Variants in PBX3 observed in about 807,000 individuals in gnomAD.
PBX3 encodes PBX homeobox 3.
A neutral mutation model predicts 48.5 loss-of-function variants in PBX3; 14 were observed. The ratio of observed to expected loss-of-function variants is 0.29; its 90% CI spans 0.19 to 0.45. The LOEUF is 0.45. Ranked by LOEUF, PBX3 falls within the 20% of genes least tolerant of loss-of-function variation. The pLI, the probability that PBX3 is intolerant of heterozygous loss-of-function variation, is 1.00. For missense variants in PBX3, 386 were observed against 546.7 expected (o/e 0.71, Z 2.93); for synonymous variants, 210 against 200.3 (o/e 1.05, Z -0.41).
At chr9:125,760,012 AACTC>A (rs1318087445) in intron 2 of PBX3, among the ~76,000 whole-genome samples, 2 of 152,196 alleles carry the variant, frequency 1.3e-5, no homozygotes, top group African/African-American at 4.8e-5. Flanking sequence ...TCAGAGCAAG[AACTC>A]GGTAGTTGCT....
intron 2 of PBX3, among the ~76,000 whole-genome samples, chr9:125,808,606 C>T (rs1387636089): frequency 6.6e-6 from 1 of 152,084 alleles, no homozygotes; most frequent in Non-Finnish European, 1.5e-5. Flanking sequence ...GTCAGGGCTT[C>T]AGTGAGTTAT....
chr9:125,805,611 T>A (rs1838103691), intron 2 of PBX3, among the ~76,000 whole-genome samples: 1 of 152,160 alleles, frequency 6.6e-6, no homozygotes, highest in South Asian at 2.1e-4. Flanking sequence ...ATTAATGAGA[T>A]GTTTAGTAAT....
At chr9:125,856,972 A>G (rs886103552) in intron 2 of PBX3, among the ~76,000 whole-genome samples, 1 of 152,214 alleles carries the variant, frequency 6.6e-6, no homozygotes, top group African/African-American at 2.4e-5. Flanking sequence ...TTAAAGGAAT[A>G]TACAGTTTAA....
chr9:125,800,531 C>CT (rs1312482677), intron 2 of PBX3, among the ~76,000 whole-genome samples: 3 of 152,064 alleles, frequency 2.0e-5, no homozygotes, highest in Non-Finnish European at 4.4e-5. Flanking sequence ...ATGGAAAACT[C>CT]TGCTATTCCT....
rs144302550 is a variant in PBX3 at position 125,851,788 on chromosome 9, A to G, written c.275-63898A>G. Among the ~76,000 whole-genome samples the G allele has an allele frequency of 3.8e-4, 58 of 150,954 alleles. No homozygotes were observed. The East Asian group carries it at 8.0e-3, about 21-fold the overall frequency. ...ATTATTTCTTGGGTGCTCACTGTGT[A>G]TTAGTCATTGGGGTGCTGATACATG... On this transcript the variant is annotated intron_variant, in intron 2 of 8. Coordinates refer to ENST00000373489, the MANE Select transcript of PBX3 (RefSeq NM_006195.6).
intron 2 of PBX3, among the ~76,000 whole-genome samples, chr9:125,811,176 A>C (rs1838279239): frequency 6.6e-6 from 1 of 152,194 alleles, no homozygotes; most frequent in South Asian, 2.1e-4. Flanking sequence ...TAGCCTGTAA[A>C]ATATGTATGT....
chr9:125,933,336 T>C (rs1841762431), intron 4 of PBX3, among the ~76,000 whole-genome samples: 1 of 152,180 alleles, frequency 6.6e-6, no homozygotes. Context: ...TAGGTCCGTC[T>C]CCTCTTCCAG....
chr9:125,801,166 A>T (rs1001863843), intron 2 of PBX3, among the ~76,000 whole-genome samples: 1 of 152,228 alleles, frequency 6.6e-6, no homozygotes, highest in African/African-American at 2.4e-5. Context: ...ACTAAATAAG[A>T]TGCATTTGTA....
chr9:125,911,250 C>T (rs1163030398), intron 2 of PBX3, among the ~76,000 whole-genome samples: 1 of 152,104 alleles, frequency 6.6e-6, no homozygotes, highest in Non-Finnish European at 1.5e-5. Flanking sequence ...CTGCATCTTA[C>T]TTAAGGATTT....
intron 5 of PBX3, among the ~76,000 whole-genome samples, chr9:125,948,720 G>GTGTATA (rs1554732476): frequency 6.7e-6 from 1 of 149,802 alleles, no homozygotes; most frequent in Admixed American, 6.7e-5. Context: ...GTGTGTGTGT[G>GTGTATA]TATATATATA....
At chr9:125,853,749 G>C (rs1045220910) in intron 2 of PBX3, among the ~76,000 whole-genome samples, 3 of 152,180 alleles carry the variant, frequency 2.0e-5, no homozygotes, top group African/African-American at 7.2e-5. Context: ...ATGTGTACCT[G>C]CTGTTTTTCA....
chr9:125,947,424 T>A (rs1325534285), intron 5 of PBX3, among the ~76,000 whole-genome samples: 1 of 152,110 alleles, frequency 6.6e-6, no homozygotes, highest in Non-Finnish European at 1.5e-5. Context: ...ATGGCAAAAG[T>A]ACCAATTAGT....
intron 8 of PBX3, 55 bp downstream of exon 8, chr9:125,963,156 A>G: frequency 1.1e-6 from 1 of 937,420 alleles, no homozygotes; most frequent in Non-Finnish European, 1.6e-6. Context: ...AACAGTGACT[A>G]ATAAAGAAAT....
At chr9:125,854,873 C>T (rs1054188711) in intron 2 of PBX3, among the ~76,000 whole-genome samples, 2 of 152,122 alleles carry the variant, frequency 1.3e-5, no homozygotes, top group African/African-American at 2.4e-5. Context: ...AAACTAGTTA[C>T]TGGACTTTTC....
chr9:125,914,829 T>G (rs1000912074), intron 2 of PBX3, among the ~76,000 whole-genome samples: 2 of 152,344 alleles, frequency 1.3e-5, no homozygotes, highest in Non-Finnish European at 2.9e-5. Context: ...ATTTTAAAAC[T>G]TTGTCTTCTG....
At chr9:125,902,936 C>G (rs911584249) in intron 2 of PBX3, among the ~76,000 whole-genome samples, 1 of 151,680 alleles carries the variant, frequency 6.6e-6, no homozygotes, top group South Asian at 2.1e-4. Flanking sequence ...TTTTATTATT[C>G]TTTTTCTTTC....
At position 125,841,207 on chromosome 9, in the gene PBX3, T is replaced by C. The variant is rs528071226; in HGVS notation, c.275-74479T>C. The stretch of plus-strand genomic sequence containing the variant: ...TATTAAGTAGTAGAGCTTGGACTTG[T>C]TACCAAGTTTTATCTAAATCCTAAA... On this transcript the variant is annotated intron_variant, in intron 2 of 8. Coordinates refer to ENST00000373489, the MANE Select transcript of PBX3 (RefSeq NM_006195.6). 2.0e-5 allele frequency among the ~76,000 whole-genome samples: 3 copies of C among 152,330 alleles called. No individual in the cohort carries two copies. In the South Asian group the frequency reaches 6.2e-4, roughly 32 times the overall value.
chr9:125,854,992 A>G (rs1034990311), intron 2 of PBX3, among the ~76,000 whole-genome samples: 2 of 152,198 alleles, frequency 1.3e-5, no homozygotes, highest in African/African-American at 4.8e-5. Context: ...AGATATTTTT[A>G]TCATCAGTAA....
At chr9:125,758,921 A>G (rs1252925514) in intron 2 of PBX3, among the ~76,000 whole-genome samples, 1 of 152,184 alleles carries the variant, frequency 6.6e-6, no homozygotes. Context: ...ACTTGTAGCA[A>G]TGCTCCAAGG....
Sources: gnomAD v4.1 joint callset for allele counts (sites outside exome capture counted in the v4.1 genomes callset) on GRCh38, gnomAD v4.1.1 for gene constraint, MANE v1.5 for transcripts, NCBI Gene and HGNC (gene_info 2026-07-23, HGNC 2026-07-21) for gene names.